The following TRPM3 variants were observed in gnomAD, a reference collection of about 807,000 sequenced individuals.
TRPM3 encodes the protein long transient receptor potential channel 3.
TRPM3 carries 77 observed loss-of-function variants against 181.2 expected under a neutral mutation model. That is an observed-to-expected ratio of 0.42 (90% CI 0.35 to 0.51). The LOEUF is 0.51. TRPM3 is among the 20% of genes least tolerant of loss of function. The pLI, the probability that TRPM3 is intolerant of heterozygous loss-of-function variation, is 0.01. For synonymous variants in TRPM3, 745 were observed against 796.4 expected (o/e 0.94, Z 1.09); for missense variants, 1,759 against 2,196.7 (o/e 0.80, Z 3.98).
intron 21 of TRPM3, among the ~76,000 whole-genome samples, chr9:70,597,253 G>A (rs554754822): frequency 6.6e-6 from 1 of 151,970 alleles, no homozygotes; most frequent in Admixed American, 6.6e-5. Flanking sequence ...ATTAGTTTTT[G>A]TATCACCAGT....
At chr9:70,951,390 G>T (rs2096997631) in intron 1 of TRPM3, among the ~76,000 whole-genome samples, 1 of 152,116 alleles carries the variant, frequency 6.6e-6, no homozygotes, top group South Asian at 2.1e-4. Flanking sequence ...TGCCTGGGCT[G>T]GAGTGAAGTG....
chr9:71,375,594 A>G (rs1419847077), intron 1 of TRPM3, among the ~76,000 whole-genome samples: 1 of 152,228 alleles, frequency 6.6e-6, no homozygotes, highest in African/African-American at 2.4e-5. Flanking sequence ...GACAACCTAC[A>G]GAATGGGAGA....
intron 1 of TRPM3, among the ~76,000 whole-genome samples, chr9:71,105,143 A>T (rs1201282396): frequency 1.3e-5 from 2 of 152,242 alleles, no homozygotes; most frequent in African/African-American, 4.8e-5. Context: ...AGAATGACAG[A>T]CTGAAGAAAA....
At chr9:71,251,375 C>T (rs1170869680) in intron 1 of TRPM3, among the ~76,000 whole-genome samples, 1 of 152,138 alleles carries the variant, frequency 6.6e-6, no homozygotes, top group East Asian at 1.9e-4. Context: ...CTGAGTTCAT[C>T]TTCTCTACAA....
chr9:70,976,633 C>G (rs1258035477), intron 1 of TRPM3, among the ~76,000 whole-genome samples: 1 of 152,272 alleles, frequency 6.6e-6, no homozygotes, highest in Non-Finnish European at 1.5e-5. Flanking sequence ...GGTTAAAGGC[C>G]TGGAATCTGA....
intron 1 of TRPM3, among the ~76,000 whole-genome samples, chr9:71,366,138 C>T (rs2092328119): frequency 6.6e-6 from 1 of 152,074 alleles, no homozygotes; most frequent in Non-Finnish European, 1.5e-5. Flanking sequence ...CATAGTAACA[C>T]TCCAAAATAG....
chr9:70,603,316 A>G (rs1349496223), intron 20 of TRPM3, 26 bp downstream of exon 20: 1 of 1,606,372 alleles, frequency 6.2e-7, no homozygotes, highest in Non-Finnish European at 8.5e-7. Context: ...TCTTTCTCTT[A>G]CGTTTTCTTT....
chr9:70,939,043 G>A (rs1478753987), intron 1 of TRPM3, among the ~76,000 whole-genome samples: 1 of 151,752 alleles, frequency 6.6e-6, no homozygotes, highest in Non-Finnish European at 1.5e-5. Context: ...ACAATATCCT[G>A]TGCAAGGGAT....
At chr9:70,948,928 G>C (rs370053690) in intron 1 of TRPM3, among the ~76,000 whole-genome samples, 1 of 152,084 alleles carries the variant, frequency 6.6e-6, no homozygotes, top group East Asian at 1.9e-4. Context: ...CTACAGACAG[G>C]CCTGCTGTTT....
In TRPM3 at chr9:70,959,386, G is replaced by A. The variant is rs77122105; in HGVS notation, c.178-94875C>T. Among the ~76,000 whole-genome samples the A allele has an allele frequency of 8.6e-3, 1,310 of 151,652 alleles. 15 individuals are homozygous for A. Among genetic ancestry groups the A allele is most frequent in the Non-Finnish European group, 0.013 (889 of 67,940 alleles). On this transcript the variant is annotated intron_variant, in intron 1 of 25. Coordinates refer to ENST00000677713, the MANE Select transcript of TRPM3 (RefSeq NM_001366145.2). ...TGGGCCCCAACATTCTGATGTCCAA[G>A]TACTGGATGATGGCAGAAGGGCAAG...
At chr9:70,692,335 TTATG>T (rs2134465274) in intron 8 of TRPM3, among the ~76,000 whole-genome samples, 1 of 152,342 alleles carries the variant, frequency 6.6e-6, no homozygotes, top group East Asian at 1.9e-4. Context: ...ATGAACATCT[TTATG>T]TATGAGTCCT....
At chr9:71,418,118 T>C (rs1025691285) in intron 1 of TRPM3, among the ~76,000 whole-genome samples, 1 of 151,874 alleles carries the variant, frequency 6.6e-6, no homozygotes, top group Non-Finnish European at 1.5e-5. Flanking sequence ...ATAATAATAA[T>C]AGTCAGCAGC....
At chr9:70,982,715 T>G (rs906201673) in intron 1 of TRPM3, among the ~76,000 whole-genome samples, 1 of 152,206 alleles carries the variant, frequency 6.6e-6, no homozygotes, top group Admixed American at 6.5e-5. Flanking sequence ...TTGTTGTTTT[T>G]GTTGAGATGG....
chr9:71,360,689 G>T (rs559815836), intron 1 of TRPM3, among the ~76,000 whole-genome samples: 21 of 152,250 alleles, frequency 1.4e-4, no homozygotes, highest in South Asian at 1.2e-3. Context: ...CACAGCATCA[G>T]CTCTCTTTGG....
chr9:71,024,155 T>C (rs2097870612), intron 1 of TRPM3, among the ~76,000 whole-genome samples: 1 of 152,132 alleles, frequency 6.6e-6, no homozygotes, highest in Non-Finnish European at 1.5e-5. Context: ...TGTATGTAAA[T>C]GTAGAATTAG....
intron 25 of TRPM3, among the ~76,000 whole-genome samples, chr9:70,548,034 T>C (rs1319315709): frequency 6.6e-6 from 1 of 152,100 alleles, no homozygotes; most frequent in Non-Finnish European, 1.5e-5. Context: ...TTTCCCTACC[T>C]CTCTTTCCCT....
intron 22 of TRPM3, among the ~76,000 whole-genome samples, chr9:70,559,352 A>G (rs762962232): frequency 6.6e-6 from 1 of 152,214 alleles, no homozygotes; most frequent in Non-Finnish European, 1.5e-5. Context: ...CTCAACAAGT[A>G]TCATCATGAC....
chr9:71,016,137 C>T, intron 1 of TRPM3, among the ~76,000 whole-genome samples: 1 of 41,542 alleles, frequency 2.4e-5, no homozygotes, highest in African/African-American at 8.4e-5. Context: ...GAGACTCCCT[C>T]TCAAAAAAAA....
At chr9:70,789,137 G>T (rs565603481) in intron 6 of TRPM3, among the ~76,000 whole-genome samples, 1 of 151,980 alleles carries the variant, frequency 6.6e-6, no homozygotes, top group Admixed American at 6.5e-5. Context: ...AAAAACTCTA[G>T]CAAGATTCAC....
Sources: gnomAD v4.1 joint callset for allele counts (sites outside exome capture counted in the v4.1 genomes callset) on GRCh38, gnomAD v4.1.1 for gene constraint, MANE v1.5 for transcripts, NCBI Gene and HGNC (gene_info 2026-07-23, HGNC 2026-07-21) for gene names.